SYNE2: variants seen among roughly 807,000 people sequenced by gnomAD.
The protein encoded by SYNE2 is spectrin repeat containing nuclear envelope protein 2.
In SYNE2, 431 loss-of-function variants were observed where a neutral mutation model predicts 856.3. The ratio of observed to expected loss-of-function variants is 0.50; its 90% CI spans 0.47 to 0.55. SYNE2 has a LOEUF of 0.55. Ranked by LOEUF, SYNE2 falls within the 20% of genes least tolerant of loss-of-function variation. The pLI is 0.00. For synonymous variants in SYNE2, 2,923 were observed against 2,872.3 expected (o/e 1.02, Z -0.56); for missense variants, 8,129 against 8,023.2 (o/e 1.01, Z -0.50).
At chr14:64,158,201 C>T (rs150960461) in intron 85 of SYNE2, among the ~76,000 whole-genome samples, 1 of 152,324 alleles carries the variant, frequency 6.6e-6, no homozygotes, top group African/African-American at 2.4e-5. Context: ...GTTGTCAGAG[C>T]ATTTTCACAG....
chr14:64,044,774 G>A (rs901269434), intron 45 of SYNE2, among the ~76,000 whole-genome samples: 22 of 152,128 alleles, frequency 1.4e-4, no homozygotes, highest in East Asian at 5.8e-4. Context: ...TCTGCCTGCC[G>A]CCATTCATGT....
In SYNE2 at chr14:64,125,145, G is replaced by T. The variant is rs1350663000; in HGVS notation, c.13489G>T (p.Glu4497Ter). The T allele has an allele frequency of 6.2e-7, 1 of 1,614,176 alleles. No individual in the cohort carries two copies. Among genetic ancestry groups the T allele is most frequent in the Admixed American group, 1.7e-5 (1 of 60,014 alleles). The change falls in exon 71 of 116, where the codon GAA becomes TAA. Residue 4497 changes from glutamate (E) to a stop codon, truncating the protein, a stop_gained. Coordinates refer to ENST00000555002, the MANE Select transcript of SYNE2 (RefSeq NM_182914.3). LOFTEE classifies it high-confidence loss of function. Reference protein sequence around the residue: ...MYNFRYPTTEELKTYTTQLED... With the variant: ...MYNFRYPTTE ...TAACTTTAGATACCCAACAACTGAA[G>T]AACTGAAAACCTATACCACCCAACT...
chr14:63,791,324 G>C (rs577987821), intron 1 of SYNE2, among the ~76,000 whole-genome samples: 2 of 151,970 alleles, frequency 1.3e-5, no homozygotes, highest in South Asian at 4.2e-4. Flanking sequence ...CTGTTAGAAA[G>C]GTCTAACTGA....
At chr14:64,038,331 G>A (rs1343749859) in intron 45 of SYNE2, among the ~76,000 whole-genome samples, 25 of 152,228 alleles carry the variant, frequency 1.6e-4, no homozygotes, top group African/African-American at 4.8e-4. Flanking sequence ...GATGGCGGCC[G>A]GGCAGAGACG....
chr14:63,786,451 A>G (rs1887531205), intron 1 of SYNE2, among the ~76,000 whole-genome samples: 1 of 152,154 alleles, frequency 6.6e-6, no homozygotes, highest in African/African-American at 2.4e-5. Flanking sequence ...TCTTCCACCC[A>G]TTACTTTCCC....
rs763858839 is a variant in SYNE2 at position 64,049,802 on chromosome 14, A to T, written c.7569A>T (p.Arg2523Ser). The T allele has an allele frequency of 5.1e-5, 83 of 1,614,038 alleles. No homozygotes were observed. The highest frequency in any genetic ancestry group is 6.9e-5 in the Non-Finnish European group (82 of 1,180,024). The change falls in exon 47 of 116, where the codon AGA becomes AGT. Residue 2523 changes from arginine to serine, a missense_variant. Around this residue, in one of 3 missense-constraint regions of SYNE2, gnomAD observed 5,410 missense variants for 5,284.8 expected, o/e 1.02. Coordinates refer to ENST00000555002, the MANE Select transcript of SYNE2 (RefSeq NM_182914.3). ...AAGAAAGCCAATATTGTGTCCTCAGAGATTTTCAGGAATACCTTGCTGCAG... is the reference window on the plus strand; with the variant it reads ...AAGAAAGCCAATATTGTGTCCTCAGTGATTTTCAGGAATACCTTGCTGCAG... ...KNKESQYCVL[R>S]DFQEYLAAVE... is the part of the protein sequence containing the mutation.
chr14:64,015,852 TTGAC>T (rs984727171), intron 32 of SYNE2, among the ~76,000 whole-genome samples: 2 of 152,242 alleles, frequency 1.3e-5, no homozygotes, highest in South Asian at 2.1e-4. Context: ...CAGCAATACT[TTGAC>T]TGTGCTATAC....
At chr14:64,149,734 A>G (rs1477494329) in intron 84 of SYNE2, among the ~76,000 whole-genome samples, 8 of 152,220 alleles carry the variant, frequency 5.3e-5, no homozygotes, top group Non-Finnish European at 1.0e-4. Flanking sequence ...GGACTTGCAA[A>G]TTCTACTGAA....
intron 1 of SYNE2, among the ~76,000 whole-genome samples, chr14:63,771,828 C>T (rs773900252): frequency 2.6e-5 from 4 of 151,768 alleles, no homozygotes; most frequent in Non-Finnish European, 5.9e-5. Context: ...ACCCAAGAGG[C>T]GGAGGTTGCA....
chr14:63,876,532 G>A (rs1462564873), intron 1 of SYNE2, among the ~76,000 whole-genome samples: 2 of 147,942 alleles, frequency 1.4e-5, no homozygotes, highest in African/African-American at 2.5e-5. Flanking sequence ...CTGTTGCCCA[G>A]GCTGGAGTGC....
rs2096721713 is a variant in SYNE2 at position 63,997,385 on chromosome 14, T to C, written c.3237T>C (p.Thr1079=). ...CAAAATCAGATAATCAGCCATCAAC[T>C]GAAAAGGTGTTAAATGTGGATAATG... The part of the protein sequence containing the change: ...PFAKSDNQPS[T]EKAMEPTMKF... Residue 1079 remains threonine (T), a synonymous_variant, in exon 25 of 116, where the codon ACT becomes ACC. Transcript: ENST00000555002. The C allele has an allele frequency of 2.5e-6, 4 of 1,611,358 alleles. No homozygotes were observed. Among genetic ancestry groups the C allele is most frequent in the African/African-American group, 1.3e-5 (1 of 75,014 alleles).
chr14:64,201,127 T>A (rs2098561487), intron 99 of SYNE2, among the ~76,000 whole-genome samples: 1 of 152,156 alleles, frequency 6.6e-6, no homozygotes, highest in African/African-American at 2.4e-5. Context: ...AGCGGTTAGG[T>A]ACATTGCAGG....
intron 67 of SYNE2, among the ~76,000 whole-genome samples, chr14:64,120,251 T>C (rs1447843576): frequency 6.7e-6 from 1 of 148,946 alleles, no homozygotes; most frequent in Non-Finnish European, 1.5e-5. Context: ...CCTAATATGT[T>C]CTCTCTTTTT....
rs368049769 is a variant in SYNE2 at position 64,210,005 on chromosome 14, C to A, written c.18604C>A (p.Arg6202=). 2 of 1,614,020 alleles carry A rather than the reference C, an allele frequency of 1.2e-6. No individual in the cohort carries two copies. The highest frequency in any genetic ancestry group is 1.7e-6 in the Non-Finnish European group (2 of 1,180,054). Residue 6202 remains arginine (R), a synonymous_variant, in exon 103 of 116, where the codon CGG becomes AGG. Coordinates refer to ENST00000555002, the MANE Select transcript of SYNE2 (RefSeq NM_182914.3). The part of the protein sequence containing the change: ...QLELINKQYR[R]LARENRTDTA... ...GGAGCTCATCAACAAGCAGTACCGG[C>A]GGCTGGCCCGGGAGAACCGCACAGA...
rs1180049691 is a variant in SYNE2 at position 64,098,004 on chromosome 14, A to C, written c.12164A>C (p.Asp4055Ala). 6.2e-7 allele frequency: 1 copy of C among 1,614,212 alleles called. No homozygotes were observed. Among genetic ancestry groups the C allele is most frequent in the Non-Finnish European group, 8.5e-7 (1 of 1,180,032 alleles). The stretch of plus-strand genomic sequence containing the variant: ...CTGAGTTTGAACCAGAGAAAAGAAG[A>C]CCTGTTGGTGGACTTGAAGGCCACC... Reference protein sequence around the residue: ...QILSLNQRKEDLLVDLKATVL... With the variant: ...QILSLNQRKEALLVDLKATVL... The change falls in exon 62 of 116, where the codon GAC (aspartate) becomes GCC (alanine). Residue 4055 changes from aspartate (D) to alanine (A), a missense_variant. Asp to Ala is a moderately radical substitution (Grantham distance 126). Transcript: ENST00000555002.
At chr14:63,960,801 T>C (rs1303496692) in intron 8 of SYNE2, 1 of 762,122 alleles carries the variant, frequency 1.3e-6, no homozygotes, top group African/African-American at 1.7e-5. Context: ...TGCCAGCTAC[T>C]TGTGAGGCTG....
chr14:64,132,207 G>T, intron 76 of SYNE2, 58 bp from the exon 77 acceptor site: 2 of 1,583,894 alleles, frequency 1.3e-6, no homozygotes, highest in South Asian at 1.1e-5. Flanking sequence ...GAAGTAACTT[G>T]GTTTTTAAGA....
At chr14:64,022,158 T>C in intron 37 of SYNE2, 130 bp downstream of exon 37, 1 of 873,788 alleles carries the variant, frequency 1.1e-6, no homozygotes, top group Non-Finnish European at 1.8e-6. Flanking sequence ...GAAATAATAA[T>C]CAGATAAATC....
intron 54 of SYNE2, among the ~76,000 whole-genome samples, chr14:64,076,380 T>G (rs2097459723): frequency 6.6e-6 from 1 of 151,984 alleles, no homozygotes; most frequent in African/African-American, 2.4e-5. Flanking sequence ...ACTGGTTTTG[T>G]TTGCTTTTGT....
Sources: gnomAD v4.1 joint callset for allele counts (sites outside exome capture counted in the v4.1 genomes callset) on GRCh38, gnomAD v4.1.1 for gene constraint, gnomAD v4.1.1 regional missense constraint, MANE v1.5 for transcripts, NCBI Gene and HGNC (gene_info 2026-07-23, HGNC 2026-07-21) for gene names.